ABCB1: variants seen among roughly 807,000 people sequenced by gnomAD.
ABCB1 encodes ATP binding cassette subfamily B member 1.
ABCB1 carries 69 observed loss-of-function variants against 142.0 expected under a neutral mutation model. The ratio of observed to expected loss-of-function variants is 0.49; its 90% CI spans 0.40 to 0.59. The LOEUF (loss-of-function observed/expected upper bound fraction) is 0.59. ABCB1 is among the 20% of genes least tolerant of loss of function. ABCB1 has a pLI of 0.00. For synonymous variants in ABCB1, 532 were observed against 539.2 expected, an observed-to-expected ratio of 0.99 and a Z score of 0.18; for missense variants, 1,326 against 1,554.7, an observed-to-expected ratio of 0.85 and a Z score of 2.47.
At chr7:87,558,309 T>C (rs1477744150) in intron 8 of ABCB1, among the ~76,000 whole-genome samples, 1 of 152,226 alleles carries the variant, frequency 6.6e-6, no homozygotes, top group East Asian at 1.9e-4. Flanking sequence ...GGATTCATTC[T>C]GAATGGATGA....
At chr7:87,597,139 G>A (rs28381813) in intron 2 of ABCB1, among the ~76,000 whole-genome samples, 232 of 152,044 alleles carry the variant, frequency 1.5e-3, no homozygotes, top group African/African-American at 5.3e-3. Flanking sequence ...TAAATGCCAA[G>A]TCTGTTCCCT....
chr7:87,613,684 T>C (rs529424724), intron 1 of ABCB1, among the ~76,000 whole-genome samples: 121 of 152,182 alleles, frequency 8.0e-4, no homozygotes, highest in Non-Finnish European at 1.4e-3. Flanking sequence ...CAACAATAGA[T>C]ACTGGAGTCT....
chr7:87,602,072 C>A (rs376546730), upstream of ABCB1, among the ~76,000 whole-genome samples: 2 of 152,118 alleles, frequency 1.3e-5, no homozygotes, highest in Admixed American at 6.5e-5. Context: ...CGGCTCACTG[C>A]AAGCTCCGCC....
At chr7:87,626,175 T>G (rs1161353190) in intron 1 of ABCB1, among the ~76,000 whole-genome samples, 6 of 83,766 alleles carry the variant, frequency 7.2e-5, no homozygotes, top group South Asian at 4.8e-4. Flanking sequence ...TCATATATAT[T>G]GTCATATATA....
At chr7:87,559,136 T>C (rs1294429370) in intron 8 of ABCB1, among the ~76,000 whole-genome samples, 2 of 152,112 alleles carry the variant, frequency 1.3e-5, no homozygotes, top group Non-Finnish European at 2.9e-5. Context: ...ACAATTTATG[T>C]AAGATAGGGT....
At chr7:87,703,905 TTTTTTTTG>T (rs1829334810) in intron 1 of ABCB1, among the ~76,000 whole-genome samples, 3 of 107,500 alleles carry the variant, frequency 2.8e-5, no homozygotes, top group Non-Finnish European at 3.9e-5. Flanking sequence ...TTTTTTTTTT[TTTTTTTTG>T]GTTTTTTTTT....
rs1816304741 is a variant in ABCB1, at chr7:87,536,572, A to G, written c.2398-31T>C. On this transcript the variant is annotated intron_variant, in intron 19 of 27. Transcript: ENST00000622132. ...GCACAGAAAATGATTTTATTACCTTAAAGCTGTTTATGAGACTCTCAGCTC... is the reference window on the plus strand; with the variant it reads ...GCACAGAAAATGATTTTATTACCTTGAAGCTGTTTATGAGACTCTCAGCTC... 3.7e-6 allele frequency: 6 copies of G among 1,608,004 alleles called. No homozygotes were observed. In the African/African-American group the frequency reaches 8.0e-5, roughly 22 times the overall value.
intron 22 of ABCB1, among the ~76,000 whole-genome samples, chr7:87,520,213 C>T (rs1815436108): frequency 6.7e-6 from 1 of 148,682 alleles, no homozygotes. Context: ...AAGGCTCTAC[C>T]ATCATTTTTT....
At chr7:87,624,178 G>A (rs778242889) in intron 1 of ABCB1, among the ~76,000 whole-genome samples, 14 of 152,164 alleles carry the variant, frequency 9.2e-5, no homozygotes, top group South Asian at 2.1e-4. Flanking sequence ...GTTCATAAGC[G>A]TGATGATTGA....
At chr7:87,533,006 C>T (rs1034781710) in intron 20 of ABCB1, among the ~76,000 whole-genome samples, 15 of 152,124 alleles carry the variant, frequency 9.9e-5, no homozygotes, top group African/African-American at 3.6e-4. Flanking sequence ...CATTAAATTC[C>T]ATACCATGGA....
At chr7:87,694,169 C>A in intron 1 of ABCB1, 1 of 388,300 alleles carries the variant, frequency 2.6e-6, no homozygotes, top group South Asian at 1.0e-4. Flanking sequence ...CTTGTAAATC[C>A]ACACAATATA....
intron 21 of ABCB1, chr7:87,522,231 T>G: frequency 8.6e-7 from 1 of 1,156,838 alleles, no homozygotes; most frequent in South Asian, 1.2e-5. Flanking sequence ...TTGGAGGTGG[T>G]GTAATGATTT....
intron 1 of ABCB1, chr7:87,628,426 T>G (rs1274539294): frequency 1.9e-5 from 3 of 161,980 alleles, no homozygotes; most frequent in Non-Finnish European, 4.0e-5. Context: ...GGGGCACGAG[T>G]GGCTGCGGAG....
In ABCB1 at chr7:87,559,812, T is replaced by C. The variant is rs541490713; in HGVS notation, c.827+1451A>G. Among the ~76,000 whole-genome samples the C allele has an allele frequency of 4.6e-5, 7 of 152,262 alleles. No homozygotes were observed. The South Asian group carries it at 1.2e-3, about 27-fold the overall frequency. ...GAATCTAACTTCTATGGGGAGATGT[T>C]TTCCTCCAGCTGAGAAACCAGGAAG... On this transcript the variant is annotated intron_variant, in intron 8 of 27. Transcript: ENST00000622132.
rs1815471605 is a variant in ABCB1, at chr7:87,520,846, T to C, written c.2716A>G (p.Thr906Ala). Residue 906 changes from threonine to alanine, a missense_variant, in exon 22 of 28, where the codon ACC becomes GCC. Coordinates refer to ENST00000622132, the MANE Select transcript of ABCB1 (RefSeq NM_001348946.2). ...TGCTCCTGAGTCAAAGAAACAACGG[T>C]TCGGAAGTTTTCTATTGCTTCAGTA... ...IATEAIENFR[T>A]VVSLTQEQKF... 6.2e-7 allele frequency: 1 copy of C among 1,613,874 alleles called. No homozygotes were observed. Among genetic ancestry groups the C allele is most frequent in the African/African-American group, 1.3e-5 (1 of 74,998 alleles).
chr7:87,659,124 T>C (rs1390377006), intron 1 of ABCB1: 5 of 324,320 alleles, frequency 1.5e-5, no homozygotes, highest in Non-Finnish European at 2.4e-5. Flanking sequence ...ATCATGCCAC[T>C]GCAATCTAGC....
At chr7:87,628,580 C>CGTGTGTGTGT (rs1430415147) in intron 1 of ABCB1, 22 of 292,840 alleles carry the variant, frequency 7.5e-5, no homozygotes, top group African/African-American at 3.2e-4. Flanking sequence ...GTGGTGCGTG[C>CGTGTGTGTGT]GTGCGTGTGT....
chr7:87,638,371 G>GTGTGTA (rs1554449112), intron 1 of ABCB1, among the ~76,000 whole-genome samples: 3,418 of 151,742 alleles, frequency 0.023, 37 homozygotes, highest in Middle Eastern at 0.048. Context: ...GTGTGTGTGT[G>GTGTGTA]TGTGTGTGTT....
Position 87,703,755 on chromosome 7 carries a change from T to C in ABCB1, c.-331+9406A>G, listed in dbSNP as rs74670569. 7.9e-3 allele frequency among the ~76,000 whole-genome samples: 1,199 copies of C among 152,066 alleles called. 22 individuals carry two copies. Among genetic ancestry groups the C allele is most frequent in the African/African-American group, 0.027 (1,135 of 41,552 alleles). On this transcript the variant is annotated intron_variant, in intron 1 of 28. Coordinates refer to the ABCB1 transcript ENST00000265724. ...TCTTTTTTGTCCCAACTATTGTCCTTTGACCTCTGTTTCCTCAAACTACTG... is the reference window on the plus strand; with the variant it reads ...TCTTTTTTGTCCCAACTATTGTCCTCTGACCTCTGTTTCCTCAAACTACTG...
Sources: gnomAD v4.1 joint callset for allele counts (sites outside exome capture counted in the v4.1 genomes callset) on GRCh38, gnomAD v4.1.1 for gene constraint, MANE v1.5 for transcripts, NCBI Gene and HGNC (gene_info 2026-07-23, HGNC 2026-07-21) for gene names.